The following SLC28A2 variants were observed in gnomAD, a reference collection of about 807,000 sequenced individuals.
SLC28A2 encodes sodium/nucleoside cotransporter 2.
Under a neutral mutation model 72.9 loss-of-function variants are expected in SLC28A2, and 69 were observed. The observed-to-expected ratio is 0.95, with a 90% CI of 0.78 to 1.16. The LOEUF (loss-of-function observed/expected upper bound fraction) is 1.16. Among genes scored for constraint, SLC28A2 ranks in the 50% most tolerant of loss-of-function variants. The pLI, the probability that SLC28A2 is intolerant of heterozygous loss-of-function variation, is 0.00. For synonymous variants in SLC28A2, 296 were observed against 294.1 expected, an observed-to-expected ratio of 1.01 and a Z score of -0.07; for missense variants, 745 against 791.1, an observed-to-expected ratio of 0.94 and a Z score of 0.70.
At chr15:45,268,732 G>A (rs953740081) in intron 13 of SLC28A2, among the ~76,000 whole-genome samples, 1 of 152,070 alleles carries the variant, frequency 6.6e-6, no homozygotes, top group African/African-American at 2.4e-5. Flanking sequence ...GTTTATTGCG[G>A]CACTATTCAC....
chr15:45,253,069 A>G, intron 1 of SLC28A2, 131 bp from the exon 2 acceptor site: 1 of 565,368 alleles, frequency 1.8e-6, no homozygotes, highest in Non-Finnish European at 3.2e-6. Context: ...TCAGTTCTTA[A>G]AGAAATCAAC....
intron 13 of SLC28A2, among the ~76,000 whole-genome samples, chr15:45,269,022 TG>T (rs1478835418): frequency 3.7e-5 from 2 of 53,816 alleles, no homozygotes; most frequent in Non-Finnish European, 6.6e-5. Flanking sequence ...TGTTGTGGGG[TG>T]GGGGGAGGGG....
Position 45,253,305 on chromosome 15 carries a change from C to T in SLC28A2, c.81+9C>T, listed in dbSNP as rs1899862430. On this transcript the variant is annotated intron_variant, in intron 2 of 17. Coordinates refer to ENST00000347644, the MANE Select transcript of SLC28A2 (RefSeq NM_004212.4). ...CGGGGCTGGAGCTCATGGTAATCAC[C>T]AGTTTAGTTTCTCTCTGCAGAGCTG... is the stretch of plus-strand genomic sequence containing the variant. The T allele has an allele frequency of 6.2e-7, 1 of 1,608,240 alleles. No homozygotes were observed. The highest frequency in any genetic ancestry group is 8.5e-7 in the Non-Finnish European group (1 of 1,174,712).
At position 45,277,106 on chromosome 15, in the gene SLC28A2, A is replaced by G. The variant is rs554052436; in HGVS notation, c.*1593A>G. On this transcript the variant is annotated 3_prime_UTR_variant, in exon 18 of 18. Coordinates refer to ENST00000347644, the MANE Select transcript of SLC28A2 (RefSeq NM_004212.4). The stretch of plus-strand genomic sequence containing the variant: ...GGCCAATATTGCTACTAAAATTCCT[A>G]TAACCAAAGGTCAGCTCTCCCACAA... The G allele has an allele frequency of 6.6e-6, 1 of 152,214 alleles. No individual in the cohort carries two copies. The highest frequency in any genetic ancestry group is 1.9e-4 in the East Asian group (1 of 5,178). 9.4% of individuals were successfully genotyped at this position (152,214 alleles called of 1,614,324 possible).
At chr15:45,260,616 G>A (rs1415895898) in intron 3 of SLC28A2, among the ~76,000 whole-genome samples, 1 of 152,086 alleles carries the variant, frequency 6.6e-6, no homozygotes, top group African/African-American at 2.4e-5. Flanking sequence ...AAGAAAATTA[G>A]CTGGGCGTGG....
chr15:45,255,082 T>C (rs12899942), intron 3 of SLC28A2: 71,667 of 151,622 alleles, frequency 0.47, 20,599 homozygotes, highest in Non-Finnish European at 0.66. Flanking sequence ...TAGTGAGACC[T>C]GCCTCTACAA....
intron 1 of SLC28A2, 30 bp downstream of exon 1, chr15:45,252,308 T>G (rs1178999428): frequency 4.4e-6 from 2 of 455,830 alleles, no homozygotes; most frequent in South Asian, 3.1e-5. Flanking sequence ...GGAGGGCAGG[T>G]GCCTAATTTA....
chr15:45,252,829 G>A (rs1422533969), intron 1 of SLC28A2, among the ~76,000 whole-genome samples: 3 of 152,032 alleles, frequency 2.0e-5, no homozygotes, highest in African/African-American at 7.2e-5. Flanking sequence ...GGCCTCCCTG[G>A]GGCTAAAAGG....
chr15:45,268,419 G>A, intron 13 of SLC28A2, 41 bp downstream of exon 13: 1 of 1,520,904 alleles, frequency 6.6e-7, no homozygotes, highest in Non-Finnish European at 9.0e-7. Flanking sequence ...CTGGGATGTG[G>A]TTAGGTAGCC....
rs757692048 is a variant in SLC28A2 at position 45,262,090 on chromosome 15, G to T, written c.246G>T (p.Leu82Phe). The change falls in exon 4 of 18, where the codon TTG becomes TTT. Residue 82 changes from leucine to phenylalanine, a missense_variant. Leu to Phe is a conservative substitution (Grantham distance 22). Transcript: ENST00000347644. ...CCAGCTTGTTCAAGAAGATCCTGTT[G>T]GGCCTGTTGTGTTTGGGTGAGATAT... ...THASLFKKIL[L>F]GLLCLAYAAY... 51 of 1,611,062 alleles carry T rather than the reference G, an allele frequency of 3.2e-5. No homozygotes were observed. Among genetic ancestry groups the T allele is most frequent in the Non-Finnish European group, 4.2e-5 (50 of 1,177,342 alleles).
Position 45,267,468 on chromosome 15 carries a change from T to C in SLC28A2, c.956T>C (p.Leu319Pro), listed in dbSNP as rs1681075983. Residue 319 changes from leucine to proline, a missense_variant, in exon 11 of 18, where the codon CTG (leucine) becomes CCG (proline). Leu to Pro is a moderately conservative substitution (Grantham distance 98). Coordinates refer to ENST00000347644, the MANE Select transcript of SLC28A2 (RefSeq NM_004212.4). ...NIFVGMTEAP[L>P]LIRPYLGDMT... ...CCGTGTTTGTAGACAGAGGCACCTC[T>C]GCTCATCCGTCCCTACCTTGGGGAC... The C allele has an allele frequency of 1.2e-6, 2 of 1,614,156 alleles. No homozygotes were observed. The highest frequency in any genetic ancestry group is 3.3e-5 in the Admixed American group (2 of 60,014).
intron 5 of SLC28A2, among the ~76,000 whole-genome samples, chr15:45,263,485 T>C (rs1900227631): frequency 6.6e-6 from 1 of 152,158 alleles, no homozygotes; most frequent in South Asian, 2.1e-4. Flanking sequence ...TTTAGTCTGA[T>C]TGTCATCAGA....
In SLC28A2 at chr15:45,265,923, A is replaced by G; in HGVS notation, c.862-158A>G. 9 of 641,656 alleles carry G rather than the reference A, an allele frequency of 1.4e-5. No homozygotes were observed. In the South Asian group the frequency reaches 1.7e-4, roughly 12 times the overall value. The allele number at this position is 641,656 out of a possible 1,614,324, so 39.7% of individuals were successfully genotyped here. A position where few individuals can be genotyped will look rare whatever the true frequency, so the allele number is the denominator to read the frequency against. The stretch of plus-strand genomic sequence containing the variant: ...AGGCAACGAGTCCTGAGTTCTGGTC[A>G]AGGCTCTGTTTCTAAGTTGGTTTTT... On this transcript the variant is annotated intron_variant, in intron 9 of 17. Coordinates refer to ENST00000347644, the MANE Select transcript of SLC28A2 (RefSeq NM_004212.4).
chr15:45,261,691 C>T (rs1340509713), intron 3 of SLC28A2, among the ~76,000 whole-genome samples: 1 of 152,146 alleles, frequency 6.6e-6, no homozygotes, highest in Non-Finnish European at 1.5e-5. Flanking sequence ...AATATGGAAG[C>T]TTAGCAATCC....
chr15:45,255,722 C>T (rs75386627), intron 3 of SLC28A2, among the ~76,000 whole-genome samples: 1 of 152,102 alleles, frequency 6.6e-6, no homozygotes, highest in African/African-American at 2.4e-5. Context: ...CATACACATA[C>T]AGCAGACATG....
At chr15:45,272,477 G>A in intron 16 of SLC28A2, 84 bp downstream of exon 16, 1 of 1,088,328 alleles carries the variant, frequency 9.2e-7, no homozygotes, top group Non-Finnish European at 1.4e-6. Context: ...AATTGTCCTT[G>A]AGTACAGGGG....
In SLC28A2 at chr15:45,275,583, T is replaced by G; in HGVS notation, c.*70T>G. ...TGTGATTGCAAAGGTGTTTATGTACTCAGGGTGCCCACAACTCACTCACCA... is the reference window on the plus strand; with the variant it reads ...TGTGATTGCAAAGGTGTTTATGTACGCAGGGTGCCCACAACTCACTCACCA... On this transcript the variant is annotated 3_prime_UTR_variant, in exon 18 of 18. Transcript: ENST00000347644. 1 of 923,536 alleles carries G rather than the reference T, an allele frequency of 1.1e-6. No individual in the cohort carries two copies. The highest frequency in any genetic ancestry group is 1.8e-6 in the Non-Finnish European group (1 of 570,318). The allele number at this position is 923,536 out of a possible 1,614,324, so 57.2% of individuals were successfully genotyped here.
chr15:45,272,647 T>C (rs374701258), intron 16 of SLC28A2, 26 bp from the exon 17 acceptor site: 18 of 1,282,076 alleles, frequency 1.4e-5, no homozygotes, highest in Non-Finnish European at 1.7e-5. Context: ...GATCTTCCCC[T>C]TAGTACCTCT....
At position 45,253,495 on chromosome 15, in the gene SLC28A2, G is replaced by A. The variant is rs116438435; in HGVS notation, c.145G>A (p.Gly49Arg). Residue 49 changes from glycine to arginine, a missense_variant, in exon 3 of 18, where the codon GGA (glycine) becomes AGA (arginine). Transcript: ENST00000347644. ...CGCACAAGGACACAGCCTGGGGGATGGACTGGGCCCTTCCACTTACCAGAG... is the reference window on the plus strand; with the variant it reads ...CGCACAAGGACACAGCCTGGGGGATAGACTGGGCCCTTCCACTTACCAGAG... ...TDAQGHSLGD[G>R]LGPSTYQRRS... 1 of 1,613,126 alleles carries A rather than the reference G, an allele frequency of 6.2e-7. No individual in the cohort carries two copies.
Sources: gnomAD v4.1 joint callset for allele counts (sites outside exome capture counted in the v4.1 genomes callset) on GRCh38, gnomAD v4.1.1 for gene constraint, MANE v1.5 for transcripts, NCBI Gene and HGNC (gene_info 2026-07-23, HGNC 2026-07-21) for gene names.